CIBAR1: variants seen among roughly 807,000 people sequenced by gnomAD.
CIBAR1 encodes the protein CBY1-interacting BAR domain-containing protein 1.
CIBAR1 carries 25 observed loss-of-function variants against 44.0 expected under a neutral mutation model. The ratio of observed to expected loss-of-function variants is 0.57; its 90% CI spans 0.41 to 0.79. CIBAR1 has a LOEUF of 0.79. Ranked by LOEUF, CIBAR1 falls within the 30% of genes least tolerant of loss-of-function variation. The pLI, the probability that CIBAR1 is intolerant of heterozygous loss-of-function variation, is 0.00. For missense variants in CIBAR1, 278 were observed against 344.8 expected, an observed-to-expected ratio of 0.81 and a Z score of 1.53; for synonymous variants, 115 against 119.0, an observed-to-expected ratio of 0.97 and a Z score of 0.22.
intron 7 of CIBAR1, 71 bp from the exon 8 acceptor site, chr8:93,726,318 TAACTA>T (rs1290009308): frequency 7.5e-7 from 1 of 1,340,172 alleles, no homozygotes; most frequent in East Asian, 2.6e-5. Flanking sequence ...AAAAAAATCT[TAACTA>T]AGGAACTTAA....
chr8:93,705,947 CA>C lies in CIBAR1; in HGVS notation c.432+950del, dbSNP rs571562521. On this transcript the variant is annotated intron_variant, in intron 4 of 8. Transcript: ENST00000518322. ...CCTGGAAAACAAAGCGAGACTATCT[CA>C]AAAAAAAAAAAAGAAAAAGAGAAAG... is the stretch of plus-strand genomic sequence containing the variant. The C allele has an allele frequency of 2.2e-3, 299 of 136,782 alleles. 1 individual carries two copies. The highest frequency in any genetic ancestry group is 4.9e-3 in the South Asian group (21 of 4,272). The allele number at this position is 136,782 out of a possible 1,614,324, so 8.5% of individuals were successfully genotyped here. A position where few individuals can be genotyped will look rare whatever the true frequency, so the allele number is the denominator to read the frequency against.
At chr8:93,722,293 C>A (rs1325447370) in intron 7 of CIBAR1, among the ~76,000 whole-genome samples, 1 of 152,154 alleles carries the variant, frequency 6.6e-6, no homozygotes, top group Non-Finnish European at 1.5e-5. Context: ...GCTATTCTTC[C>A]AGATAGTCCA....
At chr8:93,705,576 T>C (rs1385604104) in intron 4 of CIBAR1, 1 of 152,370 alleles carries the variant, frequency 6.6e-6, no homozygotes, top group Non-Finnish European at 1.5e-5. Flanking sequence ...TAAACTACAA[T>C]GTGCCTTGTT....
At chr8:93,715,592 T>C (rs753210178) in intron 6 of CIBAR1, 13 of 152,192 alleles carry the variant, frequency 8.5e-5, no homozygotes, top group Non-Finnish European at 1.9e-4. Context: ...GCATTTTGCA[T>C]GAATAAACTC....
At chr8:93,708,054 A>T (rs562223841) in intron 5 of CIBAR1, 38 bp downstream of exon 5, 1 of 1,502,584 alleles carries the variant, frequency 6.7e-7, no homozygotes, top group Non-Finnish European at 9.0e-7. Flanking sequence ...ATGGATCCTT[A>T]TAGTAAACCC....
chr8:93,701,153 A>C (rs1810334878), intron 1 of CIBAR1, 71 bp from the exon 2 acceptor site: 4 of 1,542,384 alleles, frequency 2.6e-6, no homozygotes, highest in Admixed American at 2.0e-5. Context: ...GAATGTTTGC[A>C]TGTTAAATTA....
In CIBAR1 at chr8:93,731,190, T is replaced by G. The variant is rs977914477; in HGVS notation, c.*2893T>G. On this transcript the variant is annotated 3_prime_UTR_variant, in exon 9 of 9. Transcript: ENST00000518322. ...ATAATAAAACTACAAAGCTTATGTT[T>G]ACTCTAGCTGGCCTCTTATCTACCA... is the stretch of plus-strand genomic sequence containing the variant. 5.9e-5 allele frequency: 9 copies of G among 152,168 alleles called. No homozygotes were observed. Among genetic ancestry groups the G allele is most frequent in the African/African-American group, 1.4e-4 (6 of 41,422 alleles). The allele number at this position is 152,168 out of a possible 1,614,324, so 9.4% of individuals were successfully genotyped here. A position where few individuals can be genotyped will look rare whatever the true frequency, so the allele number is the denominator to read the frequency against.
chr8:93,712,182 T>G (rs570635640), intron 6 of CIBAR1, among the ~76,000 whole-genome samples: 2 of 152,324 alleles, frequency 1.3e-5, no homozygotes, highest in South Asian at 4.1e-4. Flanking sequence ...GTTAGAACAT[T>G]GTCATCACTT....
intron 5 of CIBAR1, among the ~76,000 whole-genome samples, chr8:93,708,968 G>A (rs1177571160): frequency 1.3e-5 from 2 of 152,130 alleles, no homozygotes; most frequent in Non-Finnish European, 2.9e-5. Flanking sequence ...ATAGTCCTAT[G>A]AGATAAGCAT....
At chr8:93,712,928 G>A (rs189848457) in intron 6 of CIBAR1, among the ~76,000 whole-genome samples, 20 of 151,118 alleles carry the variant, frequency 1.3e-4, no homozygotes, top group Admixed American at 5.3e-4. Flanking sequence ...CATTACAGGC[G>A]TGAGTCACTG....
chr8:93,728,154 A>G, intron 8 of CIBAR1, 51 bp from the exon 9 acceptor site: 2 of 1,197,068 alleles, frequency 1.7e-6, no homozygotes, highest in Non-Finnish European at 1.1e-6. Context: ...AGAATGTAAA[A>G]TTTTTTTAAG....
intron 7 of CIBAR1, among the ~76,000 whole-genome samples, chr8:93,721,624 C>G (rs1484923913): frequency 6.6e-6 from 1 of 152,106 alleles, no homozygotes; most frequent in East Asian, 1.9e-4. Context: ...AATGGAGATA[C>G]TGTAGTACTT....
intron 4 of CIBAR1, chr8:93,706,092 T>G (rs186192574): frequency 6.6e-6 from 1 of 152,354 alleles, no homozygotes; most frequent in Admixed American, 6.5e-5. Flanking sequence ...AGTGGCTCTT[T>G]GAGAGCATTT....
intron 2 of CIBAR1, chr8:93,701,735 A>G (rs1003960775): frequency 9.1e-6 from 4 of 441,266 alleles, no homozygotes; most frequent in Admixed American, 3.9e-5. Context: ...TACTGGGGGT[A>G]GTGGGAATAG....
rs888239976 is a variant in CIBAR1 at position 93,730,046 on chromosome 8, A to T, written c.*1749A>T. 5.9e-5 allele frequency: 9 copies of T among 152,186 alleles called. No homozygotes were observed. The East Asian group carries it at 1.3e-3, about 23-fold the overall frequency. 9.4% of individuals were successfully genotyped at this position (152,186 alleles called of 1,614,324 possible). A position where few individuals can be genotyped will look rare whatever the true frequency, so the allele number is the denominator to read the frequency against. On this transcript the variant is annotated 3_prime_UTR_variant, in exon 9 of 9. Coordinates refer to ENST00000518322, the MANE Select transcript of CIBAR1 (RefSeq NM_145269.5). ...AATGCTGCAATGAGCATTTTCTTTG[A>T]GCATCATGTTGGCACTCAAAAAGTT...
chr8:93,707,475 CAT>C (rs1810644427), intron 4 of CIBAR1, among the ~76,000 whole-genome samples: 1 of 152,136 alleles, frequency 6.6e-6, no homozygotes, highest in Non-Finnish European at 1.5e-5. Flanking sequence ...AGGGTAAAGA[CAT>C]GAGTCAAAAG....
chr8:93,713,727 T>C (rs994892575), intron 6 of CIBAR1, among the ~76,000 whole-genome samples: 1 of 152,248 alleles, frequency 6.6e-6, no homozygotes, highest in African/African-American at 2.4e-5. Context: ...GCACCATTTG[T>C]TGAAGGGACT....
At chr8:93,706,699 A>G (rs1408082002) in intron 4 of CIBAR1, among the ~76,000 whole-genome samples, 1 of 152,220 alleles carries the variant, frequency 6.6e-6, no homozygotes, top group Non-Finnish European at 1.5e-5. Flanking sequence ...TTGGGTTCAC[A>G]TGGTGAGGAA....
chr8:93,724,704 C>A, intron 7 of CIBAR1: 1 of 1,112,538 alleles, frequency 9.0e-7, no homozygotes, highest in Non-Finnish European at 1.1e-6. Context: ...AGTAAAGTAG[C>A]CATTAGGCAT....
Sources: gnomAD v4.1 joint callset for allele counts (sites outside exome capture counted in the v4.1 genomes callset) on GRCh38, gnomAD v4.1.1 for gene constraint, MANE v1.5 for transcripts, NCBI Gene and HGNC (gene_info 2026-07-23, HGNC 2026-07-21) for gene names.